The following SYTL2 variants were observed in gnomAD, a reference collection of about 807,000 sequenced individuals.
SYTL2 encodes synaptotagmin like 2.
In SYTL2, 165 loss-of-function variants were observed where a neutral mutation model predicts 198.7. That is an observed-to-expected ratio of 0.83 (90% confidence interval 0.73 to 0.94). The LOEUF (loss-of-function observed/expected upper bound fraction) is 0.94. Among genes scored for constraint, SYTL2 ranks in the 40% least tolerant of loss-of-function variants. The probability of loss-of-function intolerance (pLI) is 0.00; values close to 1 mark genes in which losing one functional copy is unlikely to be tolerated. For synonymous variants in SYTL2, 966 were observed against 917.7 expected, an observed-to-expected ratio of 1.05 and a Z score of -0.95; for missense variants, 2,835 against 2,582.8, an observed-to-expected ratio of 1.10 and a Z score of -2.12.
intron 16 of SYTL2, among the ~76,000 whole-genome samples, chr11:85,703,995 G>A (rs984440436): frequency 2.6e-5 from 4 of 151,934 alleles, no homozygotes; most frequent in East Asian, 1.9e-4. Flanking sequence ...TCCCAAAGGA[G>A]GCAATTACGA....
At chr11:85,788,970 T>G (rs970185175) in intron 1 of SYTL2, among the ~76,000 whole-genome samples, 36 of 151,262 alleles carry the variant, frequency 2.4e-4, no homozygotes, top group Non-Finnish European at 3.8e-4. Flanking sequence ...TCCACACATG[T>G]TCCCTATAAC....
intron 11 of SYTL2, 60 bp from the exon 12 acceptor site, chr11:85,714,567 T>A (rs1229559948): frequency 1.0e-5 from 16 of 1,578,592 alleles, no homozygotes; most frequent in Non-Finnish European, 1.4e-5. Context: ...ACATTAGACA[T>A]TAAGTTGAAA....
At chr11:85,800,815 T>C (rs938471993) in intron 1 of SYTL2, among the ~76,000 whole-genome samples, 1 of 152,194 alleles carries the variant, frequency 6.6e-6, no homozygotes, top group Admixed American at 6.5e-5. Context: ...CCACGTCTCC[T>C]CCACACCCTT....
intron 1 of SYTL2, among the ~76,000 whole-genome samples, chr11:85,809,842 A>G (rs886185499): frequency 2.0e-5 from 3 of 152,172 alleles, no homozygotes; most frequent in Non-Finnish European, 2.9e-5. Flanking sequence ...TGGATACCAC[A>G]CTAAGGGTGA....
the SYTL2 span, chr11:85,853,262 C>T: frequency 2.5e-5 from 11 of 431,554 alleles, no homozygotes; most frequent in Admixed American, 1.3e-4. Flanking sequence ...AGATTGTTGC[C>T]GTGTCTTGAG....
chr11:85,733,140 T>C (rs1438323939), intron 7 of SYTL2, among the ~76,000 whole-genome samples: 1 of 152,294 alleles, frequency 6.6e-6, no homozygotes, highest in African/African-American at 2.4e-5. Context: ...GGCTTTTGCA[T>C]AGTAAGGCCT....
chr11:85,840,616 C>G, the SYTL2 span, among the ~76,000 whole-genome samples: 1 of 152,084 alleles, frequency 6.6e-6, no homozygotes, highest in African/African-American at 2.4e-5. Context: ...TGACAATAAC[C>G]AACAATGGGG....
At chr11:85,723,429 G>A (rs977123272) in intron 8 of SYTL2, among the ~76,000 whole-genome samples, 1 of 152,212 alleles carries the variant, frequency 6.6e-6, no homozygotes, top group Non-Finnish European at 1.5e-5. Flanking sequence ...GTATCTGAGG[G>A]AAGGAAAGTT....
upstream of SYTL2, among the ~76,000 whole-genome samples, chr11:85,812,134 T>C (rs7119154): frequency 0.063 from 9,634 of 152,146 alleles, 964 homozygotes; most frequent in African/African-American, 0.21. Flanking sequence ...AATTTAAAAA[T>C]TGTATCACGA....
At chr11:85,731,282 C>T (rs570097928) in intron 7 of SYTL2, among the ~76,000 whole-genome samples, 1 of 152,150 alleles carries the variant, frequency 6.6e-6, no homozygotes, top group Non-Finnish European at 1.5e-5. Flanking sequence ...CCAACACGTT[C>T]CTAAGCAAAA....
the SYTL2 span, among the ~76,000 whole-genome samples, chr11:85,851,999 G>A: frequency 6.6e-6 from 1 of 152,066 alleles, no homozygotes; most frequent in Non-Finnish European, 1.5e-5. Context: ...TAGACTAAAG[G>A]GAGGTTAAAA....
chr11:85,838,315 T>C, the SYTL2 span, among the ~76,000 whole-genome samples: 5 of 152,222 alleles, frequency 3.3e-5, no homozygotes, highest in Non-Finnish European at 7.3e-5. Flanking sequence ...ATAGTATGTA[T>C]CCATATTTTG....
chr11:85,709,635 G>A (rs2085900443), intron 13 of SYTL2, 135 bp from the exon 14 acceptor site: 2 of 773,340 alleles, frequency 2.6e-6, no homozygotes, highest in Non-Finnish European at 4.2e-6. Flanking sequence ...ATAGCATAAA[G>A]ACATATCTAT....
chr11:85,808,511 G>A (rs919458871), intron 1 of SYTL2, among the ~76,000 whole-genome samples: 13 of 151,966 alleles, frequency 8.6e-5, no homozygotes, highest in East Asian at 5.8e-4. Context: ...GTCTCCCCAG[G>A]GACTAGAGAA....
the SYTL2 span, among the ~76,000 whole-genome samples, chr11:85,841,377 C>T: frequency 6.6e-6 from 1 of 152,128 alleles, no homozygotes; most frequent in African/African-American, 2.4e-5. Flanking sequence ...CGCATATGTT[C>T]GTTGCAGCAC....
intron 1 of SYTL2, among the ~76,000 whole-genome samples, chr11:85,801,832 T>G (rs2092892423): frequency 6.6e-6 from 1 of 151,898 alleles, no homozygotes; most frequent in African/African-American, 2.4e-5. Flanking sequence ...CTTTTTTTTT[T>G]TTTTTTCAGA....
At chr11:85,764,015 G>A (rs916063491) in intron 1 of SYTL2, among the ~76,000 whole-genome samples, 1 of 152,146 alleles carries the variant, frequency 6.6e-6, no homozygotes, top group African/African-American at 2.4e-5. Context: ...ACACTGCCAG[G>A]GCATCCATGC....
intron 11 of SYTL2, chr11:85,716,263 C>G (rs1371314949): frequency 6.6e-6 from 1 of 152,140 alleles, no homozygotes; most frequent in Admixed American, 6.5e-5. Flanking sequence ...TCAAAAGTAA[C>G]TGGAAAAGCC....
chr11:85,817,597 A>G, the SYTL2 span, among the ~76,000 whole-genome samples: 1 of 152,212 alleles, frequency 6.6e-6, no homozygotes, highest in Non-Finnish European at 1.5e-5. Context: ...GCCTGCTTGA[A>G]GCTGACTGGG....
Sources: gnomAD v4.1 joint callset for allele counts (sites outside exome capture counted in the v4.1 genomes callset) on GRCh38, gnomAD v4.1.1 for gene constraint, MANE v1.5 for transcripts, NCBI Gene and HGNC (gene_info 2026-07-23, HGNC 2026-07-21) for gene names.